STAMBP: variants seen among roughly 807,000 people sequenced by gnomAD.
STAMBP encodes STAM-binding protein.
STAMBP carries 31 observed loss-of-function variants against 50.7 expected under a neutral mutation model. The ratio of observed to expected loss-of-function variants is 0.61; its 90% confidence interval spans 0.46 to 0.83. STAMBP has a LOEUF of 0.83. STAMBP is among the 40% of genes least tolerant of loss of function. The pLI is 0.00. For synonymous variants in STAMBP, 211 were observed against 192.4 expected, an observed-to-expected ratio of 1.10 and a Z score of -0.80; for missense variants, 472 against 518.9, an observed-to-expected ratio of 0.91 and a Z score of 0.88.
chr2:73,851,836 C>T (rs1483024491), intron 7 of STAMBP, among the ~76,000 whole-genome samples: 5 of 152,032 alleles, frequency 3.3e-5, no homozygotes, highest in African/African-American at 4.8e-5. Flanking sequence ...GATGGGATTT[C>T]ACCATGTTGG....
intron 7 of STAMBP, among the ~76,000 whole-genome samples, chr2:73,856,546 G>A (rs527301156): frequency 1.4e-3 from 209 of 152,306 alleles, no homozygotes; most frequent in African/African-American, 4.9e-3. Flanking sequence ...TCTTAGAGGA[G>A]ATAGAAGAAA....
chr2:73,830,964 C>T lies in STAMBP; in HGVS notation c.108C>T (p.Tyr36=), dbSNP rs1008022167. The change falls in exon 2 of 10, where the codon TAC becomes TAT. Residue 36 remains tyrosine (Y), a synonymous_variant. Coordinates refer to ENST00000394070, the MANE Select transcript of STAMBP (RefSeq NM_213622.4). ...ATGAAGACATTCCACCCCGTCGGTA[C>T]TTCCGCTCTGGAGTTGAGATTATCC... ...EVNEDIPPRR[Y]FRSGVEIIRM... is the part of the protein sequence containing the mutation. 2.5e-6 allele frequency: 4 copies of T among 1,614,242 alleles called. No individual in the cohort carries two copies. The highest frequency in any genetic ancestry group is 2.5e-6 in the Non-Finnish European group (3 of 1,180,042).
downstream of STAMBP, among the ~76,000 whole-genome samples, chr2:73,871,547 C>CA (rs547524111): frequency 6.8e-3 from 602 of 88,954 alleles, no homozygotes; most frequent in African/African-American, 0.011. Context: ...GACTCCGTCT[C>CA]AAAAAAAAAA....
intron 7 of STAMBP, among the ~76,000 whole-genome samples, chr2:73,857,893 TTTAG>T (rs1209862525): frequency 6.6e-6 from 1 of 152,038 alleles, no homozygotes; most frequent in African/African-American, 2.4e-5. Flanking sequence ...AGTTATTTCA[TTTAG>T]TTATTTTCAT....
chr2:73,857,710 T>C (rs1295198621), intron 7 of STAMBP, among the ~76,000 whole-genome samples: 1 of 152,082 alleles, frequency 6.6e-6, no homozygotes, highest in Non-Finnish European at 1.5e-5. Flanking sequence ...CATCAGACAC[T>C]CTACAGAATC....
chr2:73,831,331 A>G (rs1210272014), intron 2 of STAMBP, among the ~76,000 whole-genome samples: 1 of 152,208 alleles, frequency 6.6e-6, no homozygotes. Flanking sequence ...GTTAAACTAG[A>G]CATATTATGT....
chr2:73,868,824 G>A (rs1020786424), downstream of STAMBP, among the ~76,000 whole-genome samples: 1 of 152,088 alleles, frequency 6.6e-6, no homozygotes, highest in South Asian at 2.1e-4. Flanking sequence ...ATAGTGAGCT[G>A]TGATAGCGCC....
At chr2:73,844,974 C>G (rs1425831850) in intron 3 of STAMBP, 86 bp downstream of exon 3, 1 of 1,548,836 alleles carries the variant, frequency 6.5e-7, no homozygotes, top group Non-Finnish European at 8.7e-7. Flanking sequence ...GTCTCTGCAT[C>G]TGAGTACCAG....
At chr2:73,829,551 T>G (rs1035783533) in intron 1 of STAMBP, 41 bp downstream of exon 1, 2 of 152,224 alleles carry the variant, frequency 1.3e-5, no homozygotes, top group Non-Finnish European at 2.9e-5. Flanking sequence ...CAGTTAACTT[T>G]CATGGGCCGT....
In STAMBP at chr2:73,844,887, A is replaced by G. The variant is rs763764200; in HGVS notation, c.278A>G (p.Lys93Arg). 6.2e-7 allele frequency: 1 copy of G among 1,613,692 alleles called. No individual in the cohort carries two copies. The highest frequency in any genetic ancestry group is 8.5e-7 in the Non-Finnish European group (1 of 1,179,906). ...ATTCCTGAAAAGAAAGACACAGTAA[A>G]GGTGGGTCTTCACTTTCATTGTTGC... ...AVIPEKKDTVKKLKEIAFPKA... is the reference protein window; with the variant it reads ...AVIPEKKDTVRKLKEIAFPKA... Residue 93 changes from lysine (K) to arginine (R), a missense_variant and splice_region_variant, in exon 3 of 10, where the codon AAG becomes AGG. Lys to Arg is a conservative substitution (Grantham distance 26). Transcript: ENST00000394070.
chr2:73,857,709 C>G (rs1305966719), intron 7 of STAMBP, among the ~76,000 whole-genome samples: 6 of 152,174 alleles, frequency 3.9e-5, no homozygotes, highest in Non-Finnish European at 8.8e-5. Context: ...TCATCAGACA[C>G]TCTACAGAAT....
chr2:73,847,861 G>T, intron 5 of STAMBP, 108 bp downstream of exon 5: 2 of 1,413,806 alleles, frequency 1.4e-6, no homozygotes, highest in Non-Finnish European at 1.9e-6. Context: ...TTAAGCTTTG[G>T]TCACAGAAAC....
rs760024235 is a variant in STAMBP at position 73,860,162 on chromosome 2, A to G, written c.1218+11A>G. ...CCACCTCTGTTCTGTGTACGTATCTATGTAAAAGAAAATGGGGCTATGCTT... is the reference window on the plus strand; with the variant it reads ...CCACCTCTGTTCTGTGTACGTATCTGTGTAAAAGAAAATGGGGCTATGCTT... On this transcript the variant is annotated intron_variant, in intron 9 of 9. Coordinates refer to ENST00000394070, the MANE Select transcript of STAMBP (RefSeq NM_213622.4). 1.2e-6 allele frequency: 2 copies of G among 1,609,330 alleles called. No homozygotes were observed. The highest frequency in any genetic ancestry group is 1.1e-5 in the South Asian group (1 of 90,558).
intron 7 of STAMBP, among the ~76,000 whole-genome samples, chr2:73,852,753 C>T (rs1280666782): frequency 1.3e-5 from 2 of 151,988 alleles, no homozygotes; most frequent in Admixed American, 6.6e-5. Context: ...AATCTTGGCT[C>T]TGCAACCTCC....
Position 73,830,918 on chromosome 2 carries a change from T to C in STAMBP, c.62T>C (p.Leu21Pro), listed in dbSNP as rs1428562842. 6.8e-6 allele frequency: 11 copies of C among 1,613,990 alleles called. No individual in the cohort carries two copies. The highest frequency in any genetic ancestry group is 9.3e-6 in the Non-Finnish European group (11 of 1,180,044). The change falls in exon 2 of 10, where the codon CTG becomes CCG. Residue 21 changes from leucine (L) to proline (P), a missense_variant. By Grantham distance (98) the Leu-to-Pro change is moderately conservative. Coordinates refer to ENST00000394070, the MANE Select transcript of STAMBP (RefSeq NM_213622.4). Reference protein sequence around the residue: ...PEDRVRALSQLGSAVEVNEDI... With the variant: ...PEDRVRALSQPGSAVEVNEDI... The stretch of plus-strand genomic sequence containing the variant: ...GACCGGGTGAGGGCTCTCTCCCAGC[T>C]GGGTAGTGCGGTAGAGGTGAATGAA...
intron 8 of STAMBP, 56 bp from the exon 9 acceptor site, chr2:73,859,996 T>C: frequency 7.6e-7 from 1 of 1,320,148 alleles, no homozygotes; most frequent in Non-Finnish European, 1.1e-6. Context: ...CGTGCATATG[T>C]TTGGGATGGA....
intron 2 of STAMBP, among the ~76,000 whole-genome samples, chr2:73,837,026 G>A (rs1674797289): frequency 6.6e-6 from 1 of 152,218 alleles, no homozygotes; most frequent in Non-Finnish European, 1.5e-5. Context: ...GAATTCAGGG[G>A]ATCTGTGAAC....
rs1382022867 is a variant in STAMBP, at chr2:73,865,163, AAG to A, written c.*2908_*2909del. ...TTGGGGTTTTAGTTACCCCAGTTGA[AAG>A]AGAAATTTTTCATATTGGGGTTGAG... is the stretch of plus-strand genomic sequence containing the variant. On this transcript the variant is annotated 3_prime_UTR_variant, in exon 10 of 10. Coordinates refer to ENST00000394070, the MANE Select transcript of STAMBP (RefSeq NM_213622.4). 1 of 152,204 alleles carries A rather than the reference AAG, an allele frequency of 6.6e-6. No homozygotes were observed. Among genetic ancestry groups the A allele is most frequent in the African/African-American group, 2.4e-5 (1 of 41,450 alleles). 9.4% of individuals were successfully genotyped at this position (152,204 alleles called of 1,614,324 possible). A position where few individuals can be genotyped will look rare whatever the true frequency, so the allele number is the denominator to read the frequency against.
intron 2 of STAMBP, among the ~76,000 whole-genome samples, chr2:73,843,406 G>GTGTATATATATATATA (rs1458780751): frequency 7.7e-5 from 10 of 129,954 alleles, no homozygotes; most frequent in African/African-American, 2.7e-4. Flanking sequence ...GTTTGTGTAT[G>GTGTATATATATATATA]TATATATATA....
Sources: allele counts gnomAD v4.1 joint callset (sites outside exome capture counted in the v4.1 genomes callset), GRCh38; gene constraint gnomAD v4.1.1; transcripts MANE v1.5; gene names NCBI Gene and HGNC (gene_info 2026-07-23, HGNC 2026-07-21).